Variants in PDE11A observed in about 807,000 individuals in gnomAD.
PDE11A encodes phosphodiesterase 11A, also known as dual 3',5'-cyclic-AMP and -GMP phosphodiesterase 11A.
A neutral mutation model predicts 100.5 loss-of-function variants in PDE11A; 100 were observed. That is an observed-to-expected ratio of 1.00 (90% CI 0.85 to 1.18). The LOEUF (loss-of-function observed/expected upper bound fraction) is 1.18, where lower values mean the gene tolerates loss of function less well. PDE11A is among the 50% of genes most tolerant of loss of function. The pLI is 0.00. For missense variants in PDE11A, 1,141 were observed against 1,152.6 expected (o/e 0.99, Z 0.15); for synonymous variants, 381 against 420.8 (o/e 0.91, Z 1.16).
At chr2:177,781,994 G>T (rs1299909716) in intron 9 of PDE11A, among the ~76,000 whole-genome samples, 1 of 152,168 alleles carries the variant, frequency 6.6e-6, no homozygotes, top group African/African-American at 2.4e-5. Context: ...AGATTAAAAT[G>T]TTAATTTTAG....
At chr2:178,020,918 T>TC (rs1455507469) in intron 1 of PDE11A, among the ~76,000 whole-genome samples, 14 of 146,610 alleles carry the variant, frequency 9.5e-5, no homozygotes, top group African/African-American at 3.5e-4. Context: ...TTTGTTTTTT[T>TC]GTCTTGGTGT....
upstream of PDE11A, among the ~76,000 whole-genome samples, chr2:178,074,866 G>T (rs1256032993): frequency 4.6e-5 from 7 of 152,116 alleles, no homozygotes; most frequent in Non-Finnish European, 7.4e-5. Flanking sequence ...GTTAATGGTT[G>T]GGGAAGAAAA....
intron 1 of PDE11A, among the ~76,000 whole-genome samples, chr2:178,017,757 G>A (rs1440317188): frequency 2.0e-5 from 3 of 152,038 alleles, no homozygotes; most frequent in Non-Finnish European, 4.4e-5. Context: ...TCAGGAGTTC[G>A]AGACCAGCCT....
chr2:178,058,955 T>C (rs1236711017), intron 1 of PDE11A, among the ~76,000 whole-genome samples: 1 of 152,200 alleles, frequency 6.6e-6, no homozygotes, highest in Non-Finnish European at 1.5e-5. Flanking sequence ...TCCATGAGCC[T>C]GCATCCAGTG....
In PDE11A at chr2:177,656,102, C is replaced by T. The variant is rs933850217; in HGVS notation, c.2646+7764G>A. On this transcript the variant is annotated intron_variant, in intron 19 of 19. Transcript: ENST00000286063. Reference sequence around the variant, plus strand: ...ATAAAAAGATATCATAGGCCATATACTCCAGATTATGGGCAGGAATATAAC... The same window carrying T: ...ATAAAAAGATATCATAGGCCATATATTCCAGATTATGGGCAGGAATATAAC... 1.1e-4 allele frequency among the ~76,000 whole-genome samples: 17 copies of T among 152,282 alleles called. No individual in the cohort carries two copies. The East Asian group carries it at 2.9e-3, about 26-fold the overall frequency.
At chr2:177,982,004 G>A (rs1443172735) in intron 2 of PDE11A, among the ~76,000 whole-genome samples, 5 of 150,830 alleles carry the variant, frequency 3.3e-5, no homozygotes, top group Non-Finnish European at 5.9e-5. Flanking sequence ...AGGCCTTTGC[G>A]ACTGGGCCTG....
At chr2:178,013,123 C>T (rs902023602) in intron 2 of PDE11A, among the ~76,000 whole-genome samples, 5 of 152,152 alleles carry the variant, frequency 3.3e-5, no homozygotes, top group African/African-American at 1.2e-4. Context: ...GAAGCCTTTT[C>T]AGATCCAAGT....
intron 5 of PDE11A, among the ~76,000 whole-genome samples, chr2:177,873,283 A>G (rs2084172868): frequency 6.6e-6 from 1 of 152,168 alleles, no homozygotes; most frequent in South Asian, 2.1e-4. Flanking sequence ...TGAGAGATAT[A>G]ACTTATATGA....
chr2:177,736,576 T>C (rs769121110), intron 10 of PDE11A, among the ~76,000 whole-genome samples: 8 of 150,644 alleles, frequency 5.3e-5, no homozygotes, highest in Non-Finnish European at 1.0e-4. Flanking sequence ...TTCACAGAGA[T>C]ACAGGAATGA....
At chr2:177,979,228 A>G (rs2085848516) in intron 2 of PDE11A, among the ~76,000 whole-genome samples, 2 of 150,718 alleles carry the variant, frequency 1.3e-5, no homozygotes, top group Non-Finnish European at 3.0e-5. Context: ...CTATTCCTGA[A>G]TAAACTTCTT....
intron 1 of PDE11A, among the ~76,000 whole-genome samples, chr2:178,023,316 A>C (rs192134452): frequency 3.1e-3 from 472 of 152,206 alleles, no homozygotes; most frequent in African/African-American, 0.011. Context: ...AGCCAGCCCC[A>C]AAAAAACACA....
At chr2:178,030,605 G>A (rs2086533484) in intron 1 of PDE11A, among the ~76,000 whole-genome samples, 1 of 151,980 alleles carries the variant, frequency 6.6e-6, no homozygotes, top group African/African-American at 2.4e-5. Context: ...GCTGGGCATA[G>A]TGGCTCACAC....
At chr2:177,631,215 G>C (rs1037864184) in intron 19 of PDE11A, among the ~76,000 whole-genome samples, 1 of 150,202 alleles carries the variant, frequency 6.7e-6, no homozygotes, top group African/African-American at 2.5e-5. Flanking sequence ...GGAGGCTGAG[G>C]TGAGTGGATC....
At chr2:177,792,674 T>A (rs138763950) in intron 9 of PDE11A, among the ~76,000 whole-genome samples, 91 of 152,258 alleles carry the variant, frequency 6.0e-4, no homozygotes, top group African/African-American at 2.1e-3. Context: ...CTCGTCACCA[T>A]GGATGAAATA....
At chr2:177,846,290 G>C (rs1401001068) in intron 5 of PDE11A, among the ~76,000 whole-genome samples, 1 of 152,148 alleles carries the variant, frequency 6.6e-6, no homozygotes, top group Non-Finnish European at 1.5e-5. Context: ...TACTACTGTA[G>C]AGATTAAGGT....
At chr2:177,926,908 G>A (rs986841444) in intron 2 of PDE11A, 2 of 152,076 alleles carry the variant, frequency 1.3e-5, no homozygotes, top group African/African-American at 4.8e-5. Context: ...TGCACCATGA[G>A]AAAAATCTCT....
chr2:177,858,652 TGTAAACTA>T (rs1172862584), intron 5 of PDE11A, among the ~76,000 whole-genome samples: 3 of 152,138 alleles, frequency 2.0e-5, no homozygotes, highest in Admixed American at 2.0e-4. Flanking sequence ...TTAGTGGGAG[TGTAAACTA>T]GTTCAACCAT....
intron 2 of PDE11A, among the ~76,000 whole-genome samples, chr2:178,096,024 T>C (rs1476787275): frequency 6.6e-6 from 1 of 152,170 alleles, no homozygotes; most frequent in Non-Finnish European, 1.5e-5. Flanking sequence ...AGGAGCTGCC[T>C]TGAAGGTTTC....
In PDE11A at chr2:177,626,899, CTT is replaced by C. The variant is rs71010806; in HGVS notation, c.*2506_*2507del. The C allele has an allele frequency of 1.4e-3, 162 of 113,300 alleles. No homozygotes were observed. The highest frequency in any genetic ancestry group is 2.8e-3 in the East Asian group (11 of 3,916). The allele number at this position is 113,300 out of a possible 1,614,324, so 7.0% of individuals were successfully genotyped here. A position where few individuals can be genotyped will look rare whatever the true frequency, so the allele number is the denominator to read the frequency against. ...TTTCTTTGTTTGGATTGACTTTCAC[CTT>C]TTTTTTTTTTTTTTCATTTCCCTTA... On this transcript the variant is annotated 3_prime_UTR_variant, in exon 20 of 20. Transcript: ENST00000286063.
Sources: gnomAD v4.1 joint callset for allele counts (sites outside exome capture counted in the v4.1 genomes callset) on GRCh38, gnomAD v4.1.1 for gene constraint, MANE v1.5 for transcripts, NCBI Gene and HGNC (gene_info 2026-07-23, HGNC 2026-07-21) for gene names.